The following PARD3B variants were observed in gnomAD, a reference collection of about 807,000 sequenced individuals.
The protein encoded by PARD3B is partitioning defective 3 homolog B.
A neutral mutation model predicts 130.2 loss-of-function variants in PARD3B; 103 were observed. The ratio of observed to expected loss-of-function variants is 0.79; its 90% confidence interval spans 0.67 to 0.93. PARD3B has a LOEUF of 0.93. Among genes scored for constraint, PARD3B ranks in the 40% least tolerant of loss-of-function variants. PARD3B has a pLI of 0.00. For missense variants in PARD3B, 1,609 were observed against 1,499.2 expected (o/e 1.07, Z -1.21); for synonymous variants, 583 against 553.2 (o/e 1.05, Z -0.76).
intron 2 of PARD3B, among the ~76,000 whole-genome samples, chr2:204,846,932 C>A (rs534890626): frequency 6.6e-6 from 1 of 151,982 alleles, no homozygotes; most frequent in East Asian, 1.9e-4. Context: ...TAATTAGAGT[C>A]GTAGACATTG....
chr2:205,001,572 T>C (rs552532901), intron 3 of PARD3B, among the ~76,000 whole-genome samples: 1 of 152,218 alleles, frequency 6.6e-6, no homozygotes, highest in African/African-American at 2.4e-5. Context: ...ATACCTGGCC[T>C]TCCTGGTTGG....
At chr2:205,552,915 A>G (rs2052713726) in intron 21 of PARD3B, among the ~76,000 whole-genome samples, 1 of 152,204 alleles carries the variant, frequency 6.6e-6, no homozygotes, top group Non-Finnish European at 1.5e-5. Context: ...AACGTTAGCT[A>G]GCGATAAGAG....
intron 1 of PARD3B, among the ~76,000 whole-genome samples, chr2:204,663,108 C>T (rs768901715): frequency 2.4e-4 from 36 of 152,306 alleles, no homozygotes; most frequent in Middle Eastern, 3.4e-3. Context: ...TATCCCAGTT[C>T]GCCATGACGA....
intron 2 of PARD3B, among the ~76,000 whole-genome samples, chr2:204,858,296 T>G (rs1226312995): frequency 6.6e-6 from 1 of 152,052 alleles, no homozygotes; most frequent in African/African-American, 2.4e-5. Context: ...TTATCCACAA[T>G]AGCCAGGATA....
At chr2:205,350,892 C>A (rs763826432) in intron 18 of PARD3B, among the ~76,000 whole-genome samples, 2 of 152,066 alleles carry the variant, frequency 1.3e-5, no homozygotes, top group Non-Finnish European at 2.9e-5. Flanking sequence ...TGACTTTTCT[C>A]GTTTTTAATT....
chr2:204,614,633 G>A (rs534497652), intron 1 of PARD3B, among the ~76,000 whole-genome samples: 8 of 152,158 alleles, frequency 5.3e-5, no homozygotes, highest in Non-Finnish European at 7.3e-5. Flanking sequence ...ATTGTTGGAG[G>A]TGGGGCCTGT....
At chr2:204,756,765 C>T (rs896580283) in intron 2 of PARD3B, among the ~76,000 whole-genome samples, 1 of 152,030 alleles carries the variant, frequency 6.6e-6, no homozygotes, top group Non-Finnish European at 1.5e-5. Context: ...ATATGGAATC[C>T]GATTTTTTAA....
chr2:204,973,656 G>A (rs758539929), intron 3 of PARD3B, among the ~76,000 whole-genome samples: 27 of 151,564 alleles, frequency 1.8e-4, no homozygotes, highest in African/African-American at 5.6e-4. Flanking sequence ...ACACGCTTTC[G>A]TGACTGGCTC....
At chr2:205,532,820 G>C (rs2051661043) in intron 21 of PARD3B, among the ~76,000 whole-genome samples, 1 of 152,174 alleles carries the variant, frequency 6.6e-6, no homozygotes. Flanking sequence ...AGGACTCATA[G>C]GAGCATATGA....
chr2:205,298,603 T>C (rs535453314), intron 16 of PARD3B, among the ~76,000 whole-genome samples: 1 of 152,282 alleles, frequency 6.6e-6, no homozygotes. Flanking sequence ...CAGTAGGGTT[T>C]ATAAAATCTA....
rs958177646 is a variant in PARD3B at position 205,208,491 on chromosome 2, T to C, written c.2140+15171T>C. On this transcript the variant is annotated intron_variant, in intron 15 of 22. Coordinates refer to ENST00000406610, the MANE Select transcript of PARD3B (RefSeq NM_001302769.2). ...AACCCCATTGTCTCAGGCCAAAATC[T>C]CCTTAAGCTGATAAGCAACTTCAGC... 1.1e-4 allele frequency among the ~76,000 whole-genome samples: 16 copies of C among 145,300 alleles called. 1 individual carries two copies. The highest frequency in any genetic ancestry group is 2.1e-4 in the Non-Finnish European group (14 of 66,814).
At chr2:204,928,233 G>C (rs1290481039) in intron 2 of PARD3B, among the ~76,000 whole-genome samples, 3 of 152,118 alleles carry the variant, frequency 2.0e-5, no homozygotes, top group African/African-American at 7.2e-5. Flanking sequence ...CAGCAGGCTA[G>C]ACCTTGTTCT....
chr2:204,777,414 A>G (rs2041665468), intron 2 of PARD3B, among the ~76,000 whole-genome samples: 1 of 152,140 alleles, frequency 6.6e-6, no homozygotes, highest in Admixed American at 6.6e-5. Flanking sequence ...ATGAAAGGAA[A>G]CATAAGGTTT....
chr2:205,200,088 A>G (rs570884796), intron 15 of PARD3B, among the ~76,000 whole-genome samples: 1 of 152,254 alleles, frequency 6.6e-6, no homozygotes, highest in Non-Finnish European at 1.5e-5. Context: ...AATGTTTTAC[A>G]TATAGGTTAT....
chr2:204,970,281 G>A (rs1691592283), intron 3 of PARD3B, among the ~76,000 whole-genome samples: 3 of 152,158 alleles, frequency 2.0e-5, no homozygotes, highest in Non-Finnish European at 2.9e-5. Context: ...AGACCCTGCA[G>A]TATTTGATCT....
At chr2:205,471,015 G>C (rs2048806956) in intron 20 of PARD3B, among the ~76,000 whole-genome samples, 1 of 152,194 alleles carries the variant, frequency 6.6e-6, no homozygotes, top group Admixed American at 6.5e-5. Context: ...TCTGATGTTT[G>C]ACAAGTTGCA....
At chr2:205,549,876 TA>T (rs1241529628) in intron 21 of PARD3B, among the ~76,000 whole-genome samples, 2 of 152,290 alleles carry the variant, frequency 1.3e-5, no homozygotes, top group East Asian at 3.9e-4. Flanking sequence ...TATGCATGTG[TA>T]GGGGTGGGAC....
At chr2:205,036,988 T>G (rs1308176553) in intron 3 of PARD3B, among the ~76,000 whole-genome samples, 1 of 149,518 alleles carries the variant, frequency 6.7e-6, no homozygotes, top group Non-Finnish European at 1.5e-5. Context: ...ATAAAAAACA[T>G]ATATAGCGGA....
chr2:205,342,406 C>T (rs569353107), intron 18 of PARD3B, among the ~76,000 whole-genome samples: 6 of 152,264 alleles, frequency 3.9e-5, no homozygotes, highest in African/African-American at 1.4e-4. Flanking sequence ...TATCTCAGAG[C>T]AACCAGACCA....
Sources: gnomAD v4.1 joint callset for allele counts (sites outside exome capture counted in the v4.1 genomes callset) on GRCh38, gnomAD v4.1.1 for gene constraint, MANE v1.5 for transcripts, NCBI Gene and HGNC (gene_info 2026-07-23, HGNC 2026-07-21) for gene names.